CBFA2T2: variants seen among roughly 807,000 people sequenced by gnomAD.
The protein encoded by CBFA2T2 is protein CBFA2T2.
Under a neutral mutation model 62.2 loss-of-function variants are expected in CBFA2T2, and 11 were observed. The observed-to-expected ratio is 0.18, with a 90% CI of 0.11 to 0.29. CBFA2T2 has a LOEUF of 0.29. CBFA2T2 is among the 10% of genes least tolerant of loss of function. The pLI, the probability that CBFA2T2 is intolerant of heterozygous loss-of-function variation, is 1.00. For synonymous variants in CBFA2T2, 295 were observed against 287.5 expected (o/e 1.03, Z -0.27); for missense variants, 592 against 774.1 (o/e 0.76, Z 2.79).
chr20:33,610,710 A>G (rs1430019521), intron 2 of CBFA2T2, among the ~76,000 whole-genome samples: 3 of 152,096 alleles, frequency 2.0e-5, no homozygotes, highest in Admixed American at 2.0e-4. Context: ...GGGACCTTGA[A>G]ATTGGGAAGG....
At chr20:33,610,373 A>G (rs2015479841) in intron 2 of CBFA2T2, among the ~76,000 whole-genome samples, 1 of 152,202 alleles carries the variant, frequency 6.6e-6, no homozygotes, top group African/African-American at 2.4e-5. Flanking sequence ...TCAAGAAATG[A>G]CTATTAAGAA....
chr20:33,576,356 A>G (rs1209337128), intron 1 of CBFA2T2, among the ~76,000 whole-genome samples: 1 of 152,188 alleles, frequency 6.6e-6, no homozygotes, highest in African/African-American at 2.4e-5. Flanking sequence ...AGACATGGAT[A>G]CTTGCCCTGC....
chr20:33,490,830 G>T (rs1352391101), intron 1 of CBFA2T2, among the ~76,000 whole-genome samples: 1 of 152,288 alleles, frequency 6.6e-6, no homozygotes, highest in South Asian at 2.1e-4. Context: ...TGTGGAGCGG[G>T]TTCCCTCCCT....
chr20:33,631,826 A>G (rs886907174), intron 8 of CBFA2T2, among the ~76,000 whole-genome samples: 1 of 152,230 alleles, frequency 6.6e-6, no homozygotes, highest in African/African-American at 2.4e-5. Flanking sequence ...TTTAGATAGT[A>G]TATTTTAGTG....
chr20:33,594,638 T>C (rs530346714), intron 1 of CBFA2T2, among the ~76,000 whole-genome samples: 1 of 152,276 alleles, frequency 6.6e-6, no homozygotes, highest in Admixed American at 6.5e-5. Flanking sequence ...TAACTAGCTG[T>C]GTGAGAAATT....
chr20:33,549,000 C>CCATT (rs1156802477), intron 1 of CBFA2T2, among the ~76,000 whole-genome samples: 2 of 149,178 alleles, frequency 1.3e-5, no homozygotes, highest in African/African-American at 5.1e-5. Context: ...ATCCATCCAT[C>CCATT]CATCCGTATT....
intron 1 of CBFA2T2, among the ~76,000 whole-genome samples, chr20:33,573,147 T>TA (rs1169546156): frequency 6.6e-6 from 1 of 152,216 alleles, no homozygotes; most frequent in African/African-American, 2.4e-5. Flanking sequence ...GTATTGGAGT[T>TA]ACATCAATGA....
intron 1 of CBFA2T2, among the ~76,000 whole-genome samples, chr20:33,559,018 A>G (rs1395448667): frequency 6.6e-6 from 1 of 152,132 alleles, no homozygotes; most frequent in African/African-American, 2.4e-5. Flanking sequence ...GACAGATGAA[A>G]TGCTTGATTC....
intron 8 of CBFA2T2, among the ~76,000 whole-genome samples, chr20:33,631,966 G>A (rs1162531964): frequency 6.6e-6 from 1 of 152,210 alleles, no homozygotes; most frequent in Non-Finnish European, 1.5e-5. Flanking sequence ...CCACTGGTCT[G>A]ATTACATGAG....
At chr20:33,533,000 T>G (rs971132099) in intron 1 of CBFA2T2, among the ~76,000 whole-genome samples, 3 of 152,044 alleles carry the variant, frequency 2.0e-5, no homozygotes, top group African/African-American at 4.8e-5. Flanking sequence ...TCAAACTGCA[T>G]GGAATCCTCA....
chr20:33,603,508 T>A (rs540227914), intron 1 of CBFA2T2, among the ~76,000 whole-genome samples: 1 of 152,232 alleles, frequency 6.6e-6, no homozygotes, highest in South Asian at 2.1e-4. Flanking sequence ...TTATTTTTAA[T>A]ACACGTATAC....
At chr20:33,621,626 T>C (rs1342117345) in intron 4 of CBFA2T2, among the ~76,000 whole-genome samples, 1 of 152,164 alleles carries the variant, frequency 6.6e-6, no homozygotes, top group Non-Finnish European at 1.5e-5. Context: ...TAACAAAGCC[T>C]AAAATATTTA....
At chr20:33,564,744 T>G (rs2013230388) in intron 1 of CBFA2T2, among the ~76,000 whole-genome samples, 1 of 151,128 alleles carries the variant, frequency 6.6e-6, no homozygotes, top group Non-Finnish European at 1.5e-5. Context: ...CACGCCCAGC[T>G]AATTTTGGTA....
intron 8 of CBFA2T2, among the ~76,000 whole-genome samples, chr20:33,633,064 A>G (rs997006179): frequency 5.3e-5 from 8 of 151,836 alleles, no homozygotes; most frequent in Non-Finnish European, 1.5e-5. Context: ...TGGCCAAGTA[A>G]TTAGTGTTTT....
intron 1 of CBFA2T2, among the ~76,000 whole-genome samples, chr20:33,577,781 G>A (rs576425875): frequency 4.6e-5 from 7 of 152,244 alleles, no homozygotes; most frequent in South Asian, 2.1e-4. Context: ...ACTTCTCTGA[G>A]CCTTAGCTTC....
rs1037714743 is a variant in CBFA2T2, at chr20:33,647,502, T to G, written c.*2856T>G. The G allele has an allele frequency of 6.6e-6, 1 of 152,208 alleles. No homozygotes were observed. The highest frequency in any genetic ancestry group is 2.1e-4 in the South Asian group (1 of 4,830). The allele number at this position is 152,208 out of a possible 1,614,324, so 9.4% of individuals were successfully genotyped here. A position where few individuals can be genotyped will look rare whatever the true frequency, so the allele number is the denominator to read the frequency against. On this transcript the variant is annotated 3_prime_UTR_variant, in exon 11 of 11. Transcript: ENST00000342704. ...TTTCTCCTTGTTGGTCAGGCTGGTC[T>G]CAAACCCCGGACCTCAGGTGATCCC...
chr20:33,593,391 A>ATTTTTTTT (rs754319345), intron 1 of CBFA2T2, among the ~76,000 whole-genome samples: 1 of 109,850 alleles, frequency 9.1e-6, no homozygotes, highest in East Asian at 2.9e-4. Context: ...TCTTGACTGG[A>ATTTTTTTT]TTTTTTTTTT....
intron 1 of CBFA2T2, among the ~76,000 whole-genome samples, chr20:33,594,095 G>A (rs1298481024): frequency 1.3e-5 from 2 of 152,224 alleles, no homozygotes; most frequent in Non-Finnish European, 2.9e-5. Context: ...AGAAAGAATA[G>A]TTAGGAGGCA....
At chr20:33,627,917 A>C (rs2016302700) in intron 6 of CBFA2T2, among the ~76,000 whole-genome samples, 1 of 152,180 alleles carries the variant, frequency 6.6e-6, no homozygotes, top group Non-Finnish European at 1.5e-5. Context: ...CCCCCACCAA[A>C]AAAATTTTTT....
Sources: allele counts gnomAD v4.1 joint callset (sites outside exome capture counted in the v4.1 genomes callset), GRCh38; gene constraint gnomAD v4.1.1; transcripts MANE v1.5; gene names NCBI Gene and HGNC (gene_info 2026-07-23, HGNC 2026-07-21).